Variants in ZNF550 observed in about 807,000 individuals in gnomAD.
ZNF550 encodes zinc finger protein 550.
ZNF550 carries 42 observed loss-of-function variants against 40.2 expected under a neutral mutation model. The observed-to-expected ratio is 1.05, with a 90% CI of 0.82 to 1.35. The LOEUF (loss-of-function observed/expected upper bound fraction) is 1.35, where lower values mean the gene tolerates loss of function less well. Ranked by LOEUF, ZNF550 falls within the 40% of genes most tolerant of loss-of-function variation. The pLI is 0.00. For missense variants in ZNF550, 549 were observed against 525.2 expected, an observed-to-expected ratio of 1.05 and a Z score of -0.44; for synonymous variants, 223 against 198.6, an observed-to-expected ratio of 1.12 and a Z score of -1.03.
rs1218973921 is a variant in ZNF550 at position 57,554,037 on chromosome 19, TATG to T, written c.155-1318_155-1316del. The T allele has an allele frequency of 6.6e-6, 1 of 152,076 alleles. No individual in the cohort carries two copies. Among genetic ancestry groups the T allele is most frequent in the Non-Finnish European group, 1.5e-5 (1 of 68,108 alleles). The allele number at this position is 152,076 out of a possible 1,614,324, so 9.4% of individuals were successfully genotyped here. A position where few individuals can be genotyped will look rare whatever the true frequency, so the allele number is the denominator to read the frequency against. ...CCAAAAATATAAAAAATTAGCCAGG[TATG>T]GTGGTGTGCACCTATGGTCCTAGCT... On this transcript the variant is annotated intron_variant, in intron 2 of 4. Transcript: ENST00000457177. The surrounding 1 kb of genome is among the most constrained non-coding windows in gnomAD (Gnocchi z 4.5).
rs1244096450 is a variant in ZNF550 at position 57,552,758 on chromosome 19, T to C, written c.155-36A>G. ...CAAAAGAAATAGAATAGGGGTAATT[T>C]AATGAGAAAATGAAAGTCTCTCCAT... On this transcript the variant is annotated intron_variant, in intron 2 of 4. Transcript: ENST00000457177. 2.7e-6 allele frequency: 4 copies of C among 1,489,690 alleles called. No homozygotes were observed. In the South Asian group the frequency reaches 3.5e-5, roughly 13 times the overall value. The allele number at this position is 1,489,690 out of a possible 1,614,324, so 92.3% of individuals were successfully genotyped here. A position where few individuals can be genotyped will look rare whatever the true frequency, so the allele number is the denominator to read the frequency against.
At chr19:57,549,369 C>T (rs559435188) in intron 3 of ZNF550, among the ~76,000 whole-genome samples, 57 of 152,156 alleles carry the variant, frequency 3.7e-4, no homozygotes, top group East Asian at 1.2e-3. Flanking sequence ...CGCTTGAACC[C>T]GGGAGGCAGA....
exon 4 of ZNF550, chr19:57,547,912 A>C (rs755087909): frequency 6.2e-7 from 1 of 1,614,000 alleles, no homozygotes; most frequent in Non-Finnish European, 8.5e-7. Context: ...TTCCAGAGTC[A>C]GGCTTCCCCG....
At chr19:57,547,123 G>A (rs2090019410) in exon 4 of ZNF550, 5 of 1,611,676 alleles carry the variant, frequency 3.1e-6, no homozygotes, top group Non-Finnish European at 3.4e-6. Flanking sequence ...CCCACACTGG[G>A]TGCATTCATA....
At chr19:57,556,064 G>C in intron 2 of ZNF550, 167 bp downstream of exon 2, 1 of 831,262 alleles carries the variant, frequency 1.2e-6, no homozygotes. Flanking sequence ...GTGTTAAAAG[G>C]ACATTTTCTA....
intron 1 of ZNF550, 115 bp from the exon 2 acceptor site, chr19:57,556,472 C>T (rs2090122564): frequency 1.5e-6 from 2 of 1,373,670 alleles, no homozygotes; most frequent in Non-Finnish European, 2.0e-6. Context: ...TCAACTAGGT[C>T]TCCTTTGGGC....
intron 1 of ZNF550, 78 bp from the exon 2 acceptor site, chr19:57,556,435 C>T: frequency 6.5e-7 from 1 of 1,538,772 alleles, no homozygotes; most frequent in South Asian, 1.3e-5. Flanking sequence ...AGTCTCTAGT[C>T]AATGTGCAGA....
At chr19:57,547,326 A>G (rs377442837) in exon 4 of ZNF550, 4 of 1,613,726 alleles carry the variant, frequency 2.5e-6, no homozygotes, top group Admixed American at 1.7e-5. Flanking sequence ...TGTGGGTCCT[A>G]TTATGGCGAA....
exon 5 of ZNF550, chr19:57,542,275 G>A (rs2089966651): frequency 6.7e-6 from 1 of 149,476 alleles, no homozygotes; most frequent in Non-Finnish European, 1.5e-5. Context: ...GGAGAGGAAG[G>A]GCAATGTATA....
exon 1 of ZNF550, chr19:57,559,835 A>G: frequency 1.7e-6 from 1 of 580,722 alleles, no homozygotes; most frequent in Non-Finnish European, 2.6e-6. Context: ...CCCACCACAA[A>G]CGTCCACGCC....
chr19:57,560,866 T>G (rs888897372), upstream of ZNF550, among the ~76,000 whole-genome samples: 5 of 152,222 alleles, frequency 3.3e-5, no homozygotes, highest in Non-Finnish European at 2.9e-5. Flanking sequence ...CAGCCCAGTC[T>G]TCTTGTTGGA....
intron 2 of ZNF550, chr19:57,553,423 C>A (rs1379370306): frequency 6.6e-6 from 1 of 152,126 alleles, no homozygotes; most frequent in African/African-American, 2.4e-5. Context: ...CATTTTCTTT[C>A]TTTCTTTCTT....
chr19:57,546,384 T>A, intron 4 of ZNF550: 3 of 620,948 alleles, frequency 4.8e-6, no homozygotes, highest in Non-Finnish European at 6.0e-6. Flanking sequence ...CCTTTACCTC[T>A]CAAACATTCC....
chr19:57,544,026 T>G, intron 4 of ZNF550: 1 of 985,436 alleles, frequency 1.0e-6, no homozygotes, highest in Non-Finnish European at 1.2e-6. Flanking sequence ...AGTTCAAAAC[T>G]TCTACTGACT....
At chr19:57,546,158 A>G (rs1337142514) in intron 4 of ZNF550, among the ~76,000 whole-genome samples, 4 of 152,190 alleles carry the variant, frequency 2.6e-5, no homozygotes, top group Non-Finnish European at 4.4e-5. Flanking sequence ...TCACATGAAG[A>G]TGTTCTCAGT....
intron 4 of ZNF550, among the ~76,000 whole-genome samples, chr19:57,545,594 C>T (rs1485654199): frequency 6.6e-6 from 1 of 152,024 alleles, no homozygotes. Flanking sequence ...CATTTGAAAC[C>T]ATATTAGGCT....
At position 57,547,073 on chromosome 19, in the gene ZNF550, CAG is replaced by C. The variant is rs902170635; in HGVS notation, c.1169_1170del (p.Ser390CysfsTer86). On this transcript the variant is annotated frameshift_variant, in exon 4 of 5. Transcript: ENST00000457177. LOFTEE classifies it high-confidence loss of function. The stretch of plus-strand genomic sequence containing the variant: ...TAGGGCATCTCCCCAGTGTGGATGA[CAG>C]AGTGCTGAATGAGGTACGTGCTCCG... 10 of 1,596,498 alleles carry C rather than the reference CAG, an allele frequency of 6.3e-6. No individual in the cohort carries two copies. Among genetic ancestry groups the C allele is most frequent in the Non-Finnish European group, 8.5e-6 (10 of 1,172,048 alleles).
intron 4 of ZNF550, chr19:57,544,056 A>G: frequency 1.0e-6 from 1 of 985,444 alleles, no homozygotes; most frequent in Non-Finnish European, 1.2e-6. Context: ...GTGCTAAACA[A>G]GTTTAAGTCA....
chr19:57,558,054 G>A (rs1183898763), intron 1 of ZNF550, among the ~76,000 whole-genome samples: 1 of 152,226 alleles, frequency 6.6e-6, no homozygotes, highest in African/African-American at 2.4e-5. Flanking sequence ...GGCTCAGGGA[G>A]CTTTAGAAAT....
Sources: allele counts gnomAD v4.1 joint callset (sites outside exome capture counted in the v4.1 genomes callset), GRCh38; gene constraint gnomAD v4.1.1; non-coding constraint Gnocchi (gnomAD v3.1); transcripts MANE v1.5; gene names NCBI Gene and HGNC (gene_info 2026-07-23, HGNC 2026-07-21).